Variants in CARD16 observed in about 807,000 individuals in gnomAD.
CARD16 encodes caspase recruitment domain family member 16, also known as caspase recruitment domain-containing protein 16.
CARD16 carries 8 observed loss-of-function variants against 11.9 expected under a neutral mutation model. That is an observed-to-expected ratio of 0.67 (90% CI 0.39 to 1.21). The LOEUF (loss-of-function observed/expected upper bound fraction) is 1.21, where lower values mean the gene tolerates loss of function less well. CARD16 is among the 50% of genes most tolerant of loss of function. The pLI is 0.01. For missense variants in CARD16, 131 were observed against 118.1 expected (o/e 1.11, Z -0.51); for synonymous variants, 44 against 43.8 (o/e 1.00, Z -0.02).
chr11:105,042,501 T>C (rs1864128115), intron 3 of CARD16, among the ~76,000 whole-genome samples: 1 of 152,184 alleles, frequency 6.6e-6, no homozygotes, highest in Non-Finnish European at 1.5e-5. Context: ...CTGAGGTTTC[T>C]AGATATCCAG....
rs1412127936 is a variant in CARD16 at position 105,042,086 on chromosome 11, A to C, written c.*44-367T>G. Among the ~76,000 whole-genome samples the C allele has an allele frequency of 2.0e-5, 3 of 152,206 alleles. No homozygotes were observed. The East Asian group carries it at 5.8e-4, about 29-fold the overall frequency. On this transcript the variant is annotated intron_variant, in intron 3 of 3. Coordinates refer to ENST00000673097, the MANE Select transcript of CARD16 (RefSeq NM_052889.4). ...GGATTCAAACCCTAGGATAAAATTT[A>C]ATGGGAGCAGGTCTTAATTAACACT...
In CARD16 at chr11:105,044,533, G is replaced by A. The variant is rs192024074; in HGVS notation, c.133C>T (p.Arg45Cys). ...TTATCCATAACTGTAGCATTTTCACGTTTTACTTTCTCCATCTCTTCCTGG... is the reference window on the plus strand; with the variant it reads ...TTATCCATAACTGTAGCATTTTCACATTTTACTTTCTCCATCTCTTCCTGG... ...LNQEEMEKVK[R>C]ENATVMDKTR... The change falls in exon 2 of 4, where the codon CGT becomes TGT. Residue 45 changes from arginine to cysteine, a missense_variant. Coordinates refer to ENST00000673097, the MANE Select transcript of CARD16 (RefSeq NM_052889.4). 118 of 1,614,080 alleles carry A rather than the reference G, an allele frequency of 7.3e-5. 1 individual carries two copies. In the East Asian group the frequency reaches 1.7e-3, roughly 23 times the overall value.
intron 3 of CARD16, 68 bp downstream of exon 3, chr11:105,043,415 C>T: frequency 1.8e-6 from 2 of 1,088,940 alleles, no homozygotes; most frequent in East Asian, 2.4e-5. Context: ...AAGCAGAGCT[C>T]ATTCCACTAA....
intron 2 of CARD16, 134 bp downstream of exon 2, chr11:105,044,258 C>T (rs1368318375): frequency 2.8e-6 from 4 of 1,426,786 alleles, no homozygotes; most frequent in Non-Finnish European, 3.9e-6. Context: ...GCAATAGGGC[C>T]TCTGCTACAG....
rs1453507199 is a variant in CARD16, at chr11:105,045,016, C to G, written c.7+275G>C. On this transcript the variant is annotated intron_variant, in intron 1 of 3. Transcript: ENST00000673097. ...GTACTCCTCCTGTGCCAATTCTGTA[C>G]CCTCTGTCAGACTTACGACAGGTAA... is the stretch of plus-strand genomic sequence containing the variant. The G allele has an allele frequency of 4.9e-6, 3 of 608,418 alleles. No individual in the cohort carries two copies. In the African/African-American group the frequency reaches 5.6e-5, roughly 11 times the overall value. The allele number at this position is 608,418 out of a possible 1,614,324, so 37.7% of individuals were successfully genotyped here. A position where few individuals can be genotyped will look rare whatever the true frequency, so the allele number is the denominator to read the frequency against.
chr11:105,042,174 C>T (rs1013176709), intron 3 of CARD16, among the ~76,000 whole-genome samples: 1 of 151,990 alleles, frequency 6.6e-6, no homozygotes, highest in Non-Finnish European at 1.5e-5. Context: ...TGGTAGTAAA[C>T]ACTGGGAATA....
At chr11:105,045,163 C>A in intron 1 of CARD16, 128 bp downstream of exon 1, 1 of 1,342,822 alleles carries the variant, frequency 7.4e-7, no homozygotes, top group Non-Finnish European at 1.1e-6. Flanking sequence ...TCTCCTCCCA[C>A]TCCTCCCTCT....
chr11:105,043,573 A>G (rs1255217415), intron 2 of CARD16, 28 bp from the exon 3 acceptor site: 1 of 1,534,688 alleles, frequency 6.5e-7, no homozygotes, highest in East Asian at 2.3e-5. Context: ...ACATTGAAAT[A>G]GCCACTTATC....
rs769578110 is a variant in CARD16 at position 105,041,692 on chromosome 11, G to T, written c.*71C>A. 3.1e-6 allele frequency: 5 copies of T among 1,613,812 alleles called. No homozygotes were observed. The highest frequency in any genetic ancestry group is 2.2e-5 in the South Asian group (2 of 91,092). On this transcript the variant is annotated 3_prime_UTR_variant, in exon 4 of 4. Transcript: ENST00000673097. ...TTCTGGGCTTGAGCATGTGGGCATA[G>T]CTGGGTTGTCCTGCACTGCCTGAAG... is the stretch of plus-strand genomic sequence containing the variant.
At chr11:105,045,184 T>C in intron 1 of CARD16, 107 bp downstream of exon 1, 1 of 1,514,906 alleles carries the variant, frequency 6.6e-7, no homozygotes, top group South Asian at 1.1e-5. Flanking sequence ...CCCTCACTTC[T>C]GCTCACCTAA....
chr11:105,042,207 T>C (rs1229959285), intron 3 of CARD16, among the ~76,000 whole-genome samples: 1 of 152,176 alleles, frequency 6.6e-6, no homozygotes, highest in Non-Finnish European at 1.5e-5. Context: ...TCCCTTTTCC[T>C]GTCCTTCAGC....
At chr11:105,044,100 A>T in intron 2 of CARD16, 1 of 502,584 alleles carries the variant, frequency 2.0e-6, no homozygotes, top group African/African-American at 1.9e-5. Flanking sequence ...GTGCCTTGCC[A>T]GGAACACTGG....
chr11:105,041,776 C>T lies in CARD16; in HGVS notation c.*44-57G>A, dbSNP rs1864117331. 16 of 1,519,890 alleles carry T rather than the reference C, an allele frequency of 1.1e-5. No homozygotes were observed. In the Middle Eastern group the frequency reaches 1.0e-3, roughly 98 times the overall value. The allele number at this position is 1,519,890 out of a possible 1,614,324, so 94.2% of individuals were successfully genotyped here. A position where few individuals can be genotyped will look rare whatever the true frequency, so the allele number is the denominator to read the frequency against. On this transcript the variant is annotated intron_variant, in intron 3 of 3. Coordinates refer to ENST00000673097, the MANE Select transcript of CARD16 (RefSeq NM_052889.4). ...GTATCCCTCTTTGTTCTTATAGCCT[C>T]ACCTATGGAGGAAGCTACAAAAGAG... is the stretch of plus-strand genomic sequence containing the variant.
In CARD16 at chr11:105,044,769, T is replaced by C. The variant is rs1221042455; in HGVS notation, c.8-111A>G. 2.0e-6 allele frequency: 3 copies of C among 1,535,428 alleles called. No individual in the cohort carries two copies. The African/African-American group carries it at 4.1e-5, about 21-fold the overall frequency. On this transcript the variant is annotated intron_variant, in intron 1 of 3. Transcript: ENST00000673097. ...TTTCATCAGTGAAATGTCCCCCTCC[T>C]CACAGTTGGGTAATCCCTCTTCTTA...
At chr11:105,045,175 C>T (rs1864177944) in intron 1 of CARD16, 116 bp downstream of exon 1, 1 of 1,453,166 alleles carries the variant, frequency 6.9e-7, no homozygotes, top group Admixed American at 1.7e-5. Context: ...CCTCCCTCTC[C>T]CTCACTTCTG....
Position 105,042,908 on chromosome 11 carries a change from A to G in CARD16, c.*43+575T>C, listed in dbSNP as rs562094728. Among the ~76,000 whole-genome samples, 6 of 152,326 alleles carry G rather than the reference A, an allele frequency of 3.9e-5. No individual in the cohort carries two copies. The East Asian group carries it at 1.2e-3, about 29-fold the overall frequency. ...TTTCTAGCCTCTAAATTGCTTTCAA[A>G]TATAAGTTTCTTTTATTTTAAGGGG... On this transcript the variant is annotated intron_variant, in intron 3 of 3. Transcript: ENST00000673097.
rs1213610654 is a variant in CARD16 at position 105,043,988 on chromosome 11, A to G, written c.274+404T>C. On this transcript the variant is annotated intron_variant, in intron 2 of 3. Coordinates refer to ENST00000673097, the MANE Select transcript of CARD16 (RefSeq NM_052889.4). ...GAGGGCAAAAGTTTGAAAAGAATTTATAAAAAGTATTTGAATACAGACCCT... is the reference window on the plus strand; with the variant it reads ...GAGGGCAAAAGTTTGAAAAGAATTTGTAAAAAGTATTTGAATACAGACCCT... 1.9e-5 allele frequency: 5 copies of G among 261,370 alleles called. No individual in the cohort carries two copies. The Admixed American group carries it at 2.4e-4, about 13-fold the overall frequency. 16.2% of individuals were successfully genotyped at this position (261,370 alleles called of 1,614,324 possible).
In CARD16 at chr11:105,041,673, G is replaced by T. The variant is rs768333378; in HGVS notation, c.*90C>A. ...AGCAAAGCTTGATTCTGCCTTCTGG[G>T]CTTGAGCATGTGGGCATAGCTGGGT... On this transcript the variant is annotated 3_prime_UTR_variant, in exon 4 of 4. Coordinates refer to ENST00000673097, the MANE Select transcript of CARD16 (RefSeq NM_052889.4). The T allele has an allele frequency of 6.2e-7, 1 of 1,613,958 alleles. No homozygotes were observed. Among genetic ancestry groups the T allele is most frequent in the East Asian group, 2.2e-5 (1 of 44,886 alleles).
chr11:105,043,356 A>G (rs1362494459), intron 3 of CARD16, 127 bp downstream of exon 3: 2 of 529,666 alleles, frequency 3.8e-6, no homozygotes, highest in Non-Finnish European at 6.3e-6. Flanking sequence ...GAATAGATTA[A>G]AAAAGAAAAT....
Sources: allele counts gnomAD v4.1 joint callset (sites outside exome capture counted in the v4.1 genomes callset), GRCh38; gene constraint gnomAD v4.1.1; transcripts MANE v1.5; gene names NCBI Gene and HGNC (gene_info 2026-07-23, HGNC 2026-07-21).